The following VAPB variants were observed in gnomAD, a reference collection of about 807,000 sequenced individuals.
VAPB encodes the protein VAMP associated protein B and C.
Under a neutral mutation model 25.6 loss-of-function variants are expected in VAPB, and 7 were observed. The ratio of observed to expected loss-of-function variants is 0.27; its 90% confidence interval spans 0.16 to 0.51. The LOEUF is 0.51. Among genes scored for constraint, VAPB ranks in the 20% least tolerant of loss-of-function variants. The pLI is 0.97. For synonymous variants in VAPB, 112 were observed against 109.2 expected, an observed-to-expected ratio of 1.03 and a Z score of -0.16; for missense variants, 266 against 301.3, an observed-to-expected ratio of 0.88 and a Z score of 0.87.
chr20:58,450,086 CG>C lies in VAPB; in HGVS notation c.*5853del, dbSNP rs1568726887. 1 of 454,000 alleles carries C rather than the reference CG, an allele frequency of 2.2e-6. No homozygotes were observed. The highest frequency in any genetic ancestry group is 2.3e-5 in the Admixed American group (1 of 42,568). 28.1% of individuals were successfully genotyped at this position (454,000 alleles called of 1,614,324 possible). A position where few individuals can be genotyped will look rare whatever the true frequency, so the allele number is the denominator to read the frequency against. On this transcript the variant is annotated 3_prime_UTR_variant, in exon 6 of 6. Coordinates refer to ENST00000475243, the MANE Select transcript of VAPB (RefSeq NM_004738.5). ...GTGCACGTTTCACACGTTGACTTGC[CG>C]GTTTTTCCATGTCATACAAAAAAGT...
In VAPB at chr20:58,399,300, CA is replaced by C. The variant is rs917896382; in HGVS notation, c.58+9795del. On this transcript the variant is annotated intron_variant, in intron 1 of 5. Transcript: ENST00000475243. ...GGGCAACAAGAGCAAAACTCCGTCTCAAAAAAAAAAAAGAGAGAAAAAGAAA... is the reference window on the plus strand; with the variant it reads ...GGGCAACAAGAGCAAAACTCCGTCTCAAAAAAAAAAAGAGAGAAAAAGAAA... Among the ~76,000 whole-genome samples the C allele has an allele frequency of 1.6e-3, 189 of 120,572 alleles. 1 individual carries two copies. The highest frequency in any genetic ancestry group is 0.012 in the South Asian group (48 of 3,872). 79.1% of individuals were successfully genotyped at this position (120,572 alleles called of 152,430 possible).
At chr20:58,396,748 T>C (rs1330247770) in intron 1 of VAPB, among the ~76,000 whole-genome samples, 1 of 152,202 alleles carries the variant, frequency 6.6e-6, no homozygotes, top group East Asian at 1.9e-4. Flanking sequence ...GGAACAAACA[T>C]TTCTAGAGGA....
intron 3 of VAPB, among the ~76,000 whole-genome samples, chr20:58,436,622 A>G (rs1381931784): frequency 6.6e-6 from 1 of 152,068 alleles, no homozygotes; most frequent in Admixed American, 6.6e-5. Context: ...CCACTGCCCC[A>G]GCCTGCTTTT....
At chr20:58,420,342 G>T (rs1988644158) in intron 2 of VAPB, among the ~76,000 whole-genome samples, 1 of 152,214 alleles carries the variant, frequency 6.6e-6, no homozygotes, top group South Asian at 2.1e-4. Flanking sequence ...TTTTTAAAAA[G>T]TAAAAGCGAA....
At chr20:58,421,048 A>G (rs1238625292) in intron 2 of VAPB, among the ~76,000 whole-genome samples, 2 of 152,216 alleles carry the variant, frequency 1.3e-5, no homozygotes, top group African/African-American at 4.8e-5. Flanking sequence ...CTCCCCAGAT[A>G]TGCACATGGC....
rs546898989 is a variant in VAPB, at chr20:58,389,302, A to ACC, written c.-150_-149dup. ...CCCTGCGCCTGCACCGCGTAGACCG[A>ACC]CCCCCCCCCAGCGCGCCCACCCGGT... On this transcript the variant is annotated 5_prime_UTR_variant, in exon 1 of 6. Coordinates refer to ENST00000475243, the MANE Select transcript of VAPB (RefSeq NM_004738.5). 0.037 allele frequency: 14,796 copies of ACC among 396,280 alleles called. 272 individuals are homozygous for ACC. Among genetic ancestry groups the ACC allele is most frequent in the Non-Finnish European group, 0.053 (10,625 of 199,952 alleles). The allele number at this position is 396,280 out of a possible 1,614,324, so 24.5% of individuals were successfully genotyped here.
chr20:58,394,940 T>C (rs1011839887), intron 1 of VAPB, among the ~76,000 whole-genome samples: 1 of 152,238 alleles, frequency 6.6e-6, no homozygotes, highest in African/African-American at 2.4e-5. Context: ...AACACTATCT[T>C]GTATTTATTA....
rs867023811 is a variant in VAPB, at chr20:58,450,024, C to T, written c.*5789C>T. On this transcript the variant is annotated 3_prime_UTR_variant, in exon 6 of 6. Coordinates refer to ENST00000475243, the MANE Select transcript of VAPB (RefSeq NM_004738.5). ...TCCAGGCTTAGTGCTAACAAGATTG[C>T]GGGGCTTTTTAGGGTTTAAGAAGAT... is the stretch of plus-strand genomic sequence containing the variant. The T allele has an allele frequency of 2.6e-5, 12 of 453,884 alleles. No homozygotes were observed. Among genetic ancestry groups the T allele is most frequent in the East Asian group, 7.0e-5 (1 of 14,386 alleles). The allele number at this position is 453,884 out of a possible 1,614,324, so 28.1% of individuals were successfully genotyped here.
chr20:58,431,489 T>G (rs1267370575), intron 2 of VAPB: 1 of 152,182 alleles, frequency 6.6e-6, no homozygotes, highest in East Asian at 1.9e-4. Context: ...CCTGGCACTC[T>G]TGTTTAATAC....
intron 1 of VAPB, among the ~76,000 whole-genome samples, chr20:58,391,238 A>G (rs948402787): frequency 3.3e-5 from 5 of 152,148 alleles, no homozygotes; most frequent in African/African-American, 1.2e-4. Flanking sequence ...ATACCCAGAG[A>G]AGCCAAGTTA....
At chr20:58,410,110 C>T (rs908635449) in intron 1 of VAPB, among the ~76,000 whole-genome samples, 1 of 152,184 alleles carries the variant, frequency 6.6e-6, no homozygotes, top group African/African-American at 2.4e-5. Context: ...AGAAAGTATG[C>T]ACAGAGTTCT....
At chr20:58,396,918 T>C (rs1053062559) in intron 1 of VAPB, among the ~76,000 whole-genome samples, 5 of 152,058 alleles carry the variant, frequency 3.3e-5, no homozygotes, top group Non-Finnish European at 7.4e-5. Context: ...CACTAGTAAA[T>C]GGTGGCACAG....
Position 58,447,667 on chromosome 20 carries a change from TGTGC to T in VAPB, c.*3433_*3436del, listed in dbSNP as rs1416668572. The T allele has an allele frequency of 9.2e-6, 4 of 433,236 alleles. No individual in the cohort carries two copies. The highest frequency in any genetic ancestry group is 4.0e-5 in the African/African-American group (2 of 49,408). The allele number at this position is 433,236 out of a possible 1,614,324, so 26.8% of individuals were successfully genotyped here. A position where few individuals can be genotyped will look rare whatever the true frequency, so the allele number is the denominator to read the frequency against. The stretch of plus-strand genomic sequence containing the variant: ...AACAGACTCTGTGTGTGTGTGCATG[TGTGC>T]ATGTGTGCATGTGTGGCATATGTGC... On this transcript the variant is annotated 3_prime_UTR_variant, in exon 6 of 6. Coordinates refer to ENST00000475243, the MANE Select transcript of VAPB (RefSeq NM_004738.5).
chr20:58,434,850 C>A, intron 3 of VAPB, 145 bp downstream of exon 3: 1 of 620,920 alleles, frequency 1.6e-6, no homozygotes, highest in Non-Finnish European at 2.9e-6. Context: ...TGTACTTTAT[C>A]TACCTTTATG....
chr20:58,426,096 A>G (rs527964720), intron 2 of VAPB, among the ~76,000 whole-genome samples: 2 of 152,102 alleles, frequency 1.3e-5, no homozygotes, highest in Admixed American at 6.5e-5. Context: ...GGATTTCACA[A>G]TGTTGGCCAG....
rs1217652314 is a variant in VAPB at position 58,449,083 on chromosome 20, T to C, written c.*4848T>C. 4.4e-6 allele frequency: 2 copies of C among 453,956 alleles called. No individual in the cohort carries two copies. The highest frequency in any genetic ancestry group is 8.8e-6 in the Non-Finnish European group (2 of 226,778). 28.1% of individuals were successfully genotyped at this position (453,956 alleles called of 1,614,324 possible). The stretch of plus-strand genomic sequence containing the variant: ...GGATATCAGCAAAGAGGGCAAGTAA[T>C]AGAAGCCCCTGATAAGGAGCGTCAG... On this transcript the variant is annotated 3_prime_UTR_variant, in exon 6 of 6. Coordinates refer to ENST00000475243, the MANE Select transcript of VAPB (RefSeq NM_004738.5).
intron 1 of VAPB, among the ~76,000 whole-genome samples, chr20:58,410,308 T>G (rs1988345325): frequency 6.6e-6 from 1 of 152,234 alleles, no homozygotes; most frequent in African/African-American, 2.4e-5. Context: ...TATAATGACA[T>G]GTATCCACCA....
In VAPB at chr20:58,448,002, G is replaced by A. The variant is rs527724987; in HGVS notation, c.*3767G>A. The stretch of plus-strand genomic sequence containing the variant: ...GGCATTTCATTGAAGGGCCTCTCGT[G>A]GCTTTCCCTGCCCCCGGCTGTCTGG... On this transcript the variant is annotated 3_prime_UTR_variant, in exon 6 of 6. Coordinates refer to ENST00000475243, the MANE Select transcript of VAPB (RefSeq NM_004738.5). The A allele has an allele frequency of 2.2e-6, 1 of 453,858 alleles. No homozygotes were observed. Among genetic ancestry groups the A allele is most frequent in the South Asian group, 1.6e-5 (1 of 64,452 alleles). 28.1% of individuals were successfully genotyped at this position (453,858 alleles called of 1,614,324 possible). A position where few individuals can be genotyped will look rare whatever the true frequency, so the allele number is the denominator to read the frequency against.
intron 1 of VAPB, among the ~76,000 whole-genome samples, chr20:58,410,566 G>A (rs951748544): frequency 3.9e-5 from 6 of 151,980 alleles, no homozygotes; most frequent in African/African-American, 1.5e-4. Context: ...ACAGGTGTGT[G>A]CCCCCACACC....
Sources: gnomAD v4.1 joint callset for allele counts (sites outside exome capture counted in the v4.1 genomes callset) on GRCh38, gnomAD v4.1.1 for gene constraint, MANE v1.5 for transcripts, NCBI Gene and HGNC (gene_info 2026-07-23, HGNC 2026-07-21) for gene names.